TPRX2: variants seen among roughly 807,000 people sequenced by gnomAD.
TPRX2 encodes the protein tetrapeptide repeat homeobox 2, also known as tetrapeptide repeat homeobox protein 2.
chr19:47,861,258 C>T, the TPRX2 span: 3 of 526,768 alleles, frequency 5.7e-6, no homozygotes, highest in South Asian at 4.5e-5. Flanking sequence ...AATCCCAGAC[C>T]CAGTCCTAGG....
At chr19:47,860,705 C>T in the TPRX2 span, 3 of 1,381,234 alleles carry the variant, frequency 2.2e-6, no homozygotes, top group African/African-American at 1.4e-5. Flanking sequence ...GGGGTGAACA[C>T]CGGGAGAGTT....
the TPRX2 span, among the ~76,000 whole-genome samples, chr19:47,859,337 C>A: frequency 6.7e-6 from 1 of 150,236 alleles, no homozygotes; most frequent in Non-Finnish European, 1.5e-5. Flanking sequence ...GAGTGCAAAT[C>A]TGGGCAGCCA....
the TPRX2 span, chr19:47,861,543 C>T: frequency 8.0e-7 from 1 of 1,243,484 alleles, no homozygotes; most frequent in South Asian, 1.4e-5. Flanking sequence ...TCTTCAGATC[C>T]CAGAGGGCCT....
chr19:47,859,841 G>A, the TPRX2 span, among the ~76,000 whole-genome samples: 1 of 151,116 alleles, frequency 6.6e-6, no homozygotes, highest in South Asian at 2.1e-4. Flanking sequence ...GGCAGCTGGG[G>A]AGGGCTGAGC....
At chr19:47,860,693 TG>T in the TPRX2 span, 8 of 1,071,876 alleles carry the variant, frequency 7.5e-6, no homozygotes, top group Middle Eastern at 3.9e-4. Flanking sequence ...GGGTGCGGGG[TG>T]GGGGTGAACA....
the TPRX2 span, chr19:47,860,373 C>T: frequency 1.5e-6 from 1 of 667,412 alleles, no homozygotes; most frequent in African/African-American, 1.9e-5. Context: ...CGCCCGACCA[C>T]CTCCCGCCCT....
the TPRX2 span, chr19:47,860,818 G>A: frequency 2.6e-6 from 4 of 1,539,998 alleles, no homozygotes; most frequent in South Asian, 4.7e-5. Context: ...TTCAAGAATC[G>A]CCGCGCCAAA....
At chr19:47,860,836 G>C in the TPRX2 span, 15 of 1,533,418 alleles carry the variant, frequency 9.8e-6, no homozygotes, top group Non-Finnish European at 1.3e-5. Flanking sequence ...AAACTAGCTC[G>C]GGAGCGGCGG....
chr19:47,860,972 G>C, the TPRX2 span: 1 of 1,348,986 alleles, frequency 7.4e-7, no homozygotes, highest in East Asian at 2.5e-5. Flanking sequence ...GGGGTTCCTG[G>C]ATCTCCCCTC....
At chr19:47,861,440 G>A in the TPRX2 span, 67 of 739,004 alleles carry the variant, frequency 9.1e-5, no homozygotes, top group Non-Finnish European at 1.4e-4. Flanking sequence ...CCACCACGAC[G>A]TCTCAGTACA....
chr19:47,860,352 G>C, the TPRX2 span: 12 of 788,834 alleles, frequency 1.5e-5, no homozygotes, highest in African/African-American at 8.1e-5. Context: ...GTCACTCACC[G>C]GGGCCTGGCC....
chr19:47,860,959 G>A, the TPRX2 span: 11 of 1,430,700 alleles, frequency 7.7e-6, no homozygotes, highest in Admixed American at 2.0e-4. Flanking sequence ...TTCCCGCAGG[G>A]CAGGGGTTCC....
the TPRX2 span, among the ~76,000 whole-genome samples, chr19:47,859,270 A>G: frequency 6.6e-6 from 1 of 150,936 alleles, no homozygotes; most frequent in Admixed American, 6.6e-5. Flanking sequence ...GTCATCTCCA[A>G]GGTGAGCAGG....
the TPRX2 span, chr19:47,860,660 G>T: frequency 9.1e-4 from 767 of 841,258 alleles, 3 homozygotes; most frequent in African/African-American, 0.012. Context: ...TCCAGGCCTG[G>T]GAGCCGGGGG....
the TPRX2 span, among the ~76,000 whole-genome samples, chr19:47,859,710 C>T: frequency 1.3e-5 from 2 of 148,626 alleles, no homozygotes; most frequent in South Asian, 4.4e-4. Context: ...GAGATCCCCT[C>T]CAAGAAAAAG....
the TPRX2 span, chr19:47,861,448 A>T: frequency 1.2e-6 from 1 of 816,620 alleles, no homozygotes; most frequent in Middle Eastern, 2.7e-4. Context: ...ACGTCTCAGT[A>T]CAAAGAGGAG....
the TPRX2 span, chr19:47,860,940 G>A: frequency 6.7e-7 from 1 of 1,495,260 alleles, no homozygotes; most frequent in East Asian, 2.5e-5. Flanking sequence ...CTTCCCTGGG[G>A]GTCCTGAGTT....
the TPRX2 span, chr19:47,860,895 C>T: frequency 1.3e-6 from 2 of 1,531,288 alleles, no homozygotes; most frequent in Middle Eastern, 1.7e-4. Flanking sequence ...CCGAGGAGCC[C>T]GCGCTGCGCC....
the TPRX2 span, chr19:47,861,229 C>G: frequency 1.8e-6 from 1 of 568,886 alleles, no homozygotes. Context: ...ATACCAGCCC[C>G]CATCTCTTGC....
Sources: gnomAD v4.1 joint callset for allele counts (sites outside exome capture counted in the v4.1 genomes callset) on GRCh38, gnomAD v4.1.1 for gene constraint, MANE v1.5 for transcripts, NCBI Gene and HGNC (gene_info 2026-07-23, HGNC 2026-07-21) for gene names.